Variants in COL26A1 observed in about 807,000 individuals in gnomAD.
COL26A1 encodes the protein collagen alpha-1(XXVI) chain.
COL26A1 carries 41 observed loss-of-function variants against 59.3 expected under a neutral mutation model. The ratio of observed to expected loss-of-function variants is 0.69; its 90% CI spans 0.54 to 0.90. The LOEUF is 0.90. Among genes scored for constraint, COL26A1 ranks in the 40% least tolerant of loss-of-function variants. The pLI, the probability that COL26A1 is intolerant of heterozygous loss-of-function variation, is 0.00. For synonymous variants in COL26A1, 266 were observed against 256.0 expected (o/e 1.04, Z -0.37); for missense variants, 612 against 602.3 (o/e 1.02, Z -0.17).
chr7:101,533,121 G>A lies in COL26A1; in HGVS notation c.425G>A (p.Arg142Gln), dbSNP rs369433656. 9 of 1,607,186 alleles carry A rather than the reference G, an allele frequency of 5.6e-6. No homozygotes were observed. The highest frequency in any genetic ancestry group is 2.7e-5 in the African/African-American group (2 of 74,968). The change falls in exon 4 of 13, where the codon CGA becomes CAA. Residue 142 changes from arginine to glutamine, a missense_variant. Arg to Gln is a conservative substitution (Grantham distance 43, BLOSUM62 1). Coordinates refer to ENST00000313669, the MANE Select transcript of COL26A1 (RefSeq NM_001278563.3). ...NCTRLSDMSE[R>Q]LTTLEAKVLL... is the part of the protein sequence containing the mutation. ...ACCCGGCTCAGTGACATGAGTGAGCGACTGACCACACTGGAGGCCAAGGTC... is the reference window on the plus strand; with the variant it reads ...ACCCGGCTCAGTGACATGAGTGAGCAACTGACCACACTGGAGGCCAAGGTC...
intron 1 of COL26A1, among the ~76,000 whole-genome samples, chr7:101,387,736 T>TTATATATATATATTTATATATA (rs1791615136): frequency 9.4e-6 from 1 of 106,938 alleles, no homozygotes; most frequent in African/African-American, 3.8e-5. Context: ...TTTAATATAA[T>TTATATATATATATTTATATATA]TATATATATA....
Position 101,434,546 on chromosome 7 carries a change from G to A in COL26A1, c.282-13138G>A, listed in dbSNP as rs1483197762. Reference sequence around the variant, plus strand: ...CAAAGTGCTGAGATTATAGGTGTGAGCCACTGCGCCTGGCCTGATTTTTTT... The same window carrying A: ...CAAAGTGCTGAGATTATAGGTGTGAACCACTGCGCCTGGCCTGATTTTTTT... On this transcript the variant is annotated intron_variant, in intron 2 of 12. Transcript: ENST00000313669. Among the ~76,000 whole-genome samples the A allele has an allele frequency of 5.4e-5, 8 of 147,568 alleles. No homozygotes were observed. The East Asian group carries it at 1.2e-3, about 22-fold the overall frequency.
intron 4 of COL26A1, among the ~76,000 whole-genome samples, chr7:101,538,290 A>C (rs1310589425): frequency 6.6e-6 from 1 of 152,018 alleles, no homozygotes. Flanking sequence ...TCCACCCTTC[A>C]CTGCCGTGTG....
chr7:101,417,437 G>A (rs1388146101), intron 1 of COL26A1, among the ~76,000 whole-genome samples: 1 of 148,308 alleles, frequency 6.7e-6, no homozygotes, highest in East Asian at 2.0e-4. Flanking sequence ...TTTGAGGTCA[G>A]CCAGCACCCA....
At chr7:101,450,737 T>G (rs1191693219) in intron 3 of COL26A1, among the ~76,000 whole-genome samples, 4 of 146,726 alleles carry the variant, frequency 2.7e-5, no homozygotes, top group Non-Finnish European at 6.0e-5. Context: ...ATTATTTATA[T>G]TCCATATTCT....
At chr7:101,492,854 C>T (rs1477704510) in intron 3 of COL26A1, among the ~76,000 whole-genome samples, 1 of 151,860 alleles carries the variant, frequency 6.6e-6, no homozygotes, top group Non-Finnish European at 1.5e-5. Context: ...GTCCTCCCAT[C>T]TCAGCCTCCA....
chr7:101,527,460 T>A (rs1795271794), intron 3 of COL26A1, among the ~76,000 whole-genome samples: 1 of 152,122 alleles, frequency 6.6e-6, no homozygotes, highest in Non-Finnish European at 1.5e-5. Flanking sequence ...CCCGAGTAGC[T>A]TGGATTACAG....
Position 101,410,009 on chromosome 7 carries a change from C to T in COL26A1, c.159-9968C>T, listed in dbSNP as rs145069362. Among the ~76,000 whole-genome samples the T allele has an allele frequency of 4.7e-3, 719 of 152,282 alleles. 4 individuals are homozygous for T. The highest frequency in any genetic ancestry group is 0.017 in the African/African-American group (691 of 41,546). Reference sequence around the variant, plus strand: ...TCTCCTGACCTCATGATCCACCCGCCTCAGCCTCCCAAAGTGCTGGGATTA... The same window carrying T: ...TCTCCTGACCTCATGATCCACCCGCTTCAGCCTCCCAAAGTGCTGGGATTA... On this transcript the variant is annotated intron_variant, in intron 1 of 12. Coordinates refer to ENST00000313669, the MANE Select transcript of COL26A1 (RefSeq NM_001278563.3).
intron 3 of COL26A1, among the ~76,000 whole-genome samples, chr7:101,476,762 T>C (rs1454343632): frequency 6.6e-6 from 1 of 151,178 alleles, no homozygotes; most frequent in Non-Finnish European, 1.5e-5. Flanking sequence ...TTAGCCAGGA[T>C]GGTCTCGATC....
chr7:101,374,564 T>C (rs1308632039), intron 1 of COL26A1, among the ~76,000 whole-genome samples: 3 of 152,140 alleles, frequency 2.0e-5, no homozygotes, highest in Non-Finnish European at 4.4e-5. Context: ...TCCAGCCCTG[T>C]TGTAAACTGC....
intron 2 of COL26A1, among the ~76,000 whole-genome samples, chr7:101,422,757 G>A (rs747283353): frequency 9.2e-5 from 14 of 151,928 alleles, no homozygotes; most frequent in Admixed American, 1.3e-4. Flanking sequence ...ATCCTCCTGC[G>A]CCAGCCTGAA....
In COL26A1 at chr7:101,483,990, A is replaced by AGTGTGTGTGTGTGTGT. The variant is rs55863250; in HGVS notation, c.385+36232_385+36247dup. On this transcript the variant is annotated intron_variant, in intron 3 of 12. Transcript: ENST00000313669. ...CACCTGGCCCCAGCTAACTTTTTAA[A>AGTGTGTGTGTGTGTGT]GTGTGTGTGTGTGTGTGTGTGTGTG... 5.2e-3 allele frequency among the ~76,000 whole-genome samples: 667 copies of AGTGTGTGTGTGTGTGT among 127,984 alleles called. 10 individuals carry two copies. Among genetic ancestry groups the AGTGTGTGTGTGTGTGT allele is most frequent in the African/African-American group, 7.9e-3 (265 of 33,514 alleles). The allele number at this position is 127,984 out of a possible 152,430, so 84.0% of individuals were successfully genotyped here.
chr7:101,488,900 C>T (rs576191999), intron 3 of COL26A1, among the ~76,000 whole-genome samples: 2 of 152,222 alleles, frequency 1.3e-5, no homozygotes, highest in East Asian at 3.9e-4. Context: ...TAAAGTTGTG[C>T]AGTAATCATG....
At chr7:101,517,381 A>G (rs1795048994) in intron 3 of COL26A1, among the ~76,000 whole-genome samples, 1 of 151,852 alleles carries the variant, frequency 6.6e-6, no homozygotes, top group Non-Finnish European at 1.5e-5. Flanking sequence ...TTACAGAAAA[A>G]AAGAGGTTTA....
At chr7:101,389,480 A>T (rs1170842482) in intron 1 of COL26A1, among the ~76,000 whole-genome samples, 1 of 151,330 alleles carries the variant, frequency 6.6e-6, no homozygotes, top group Non-Finnish European at 1.5e-5. Flanking sequence ...CTGGGGCTCA[A>T]GCGATTCTCC....
intron 3 of COL26A1, among the ~76,000 whole-genome samples, chr7:101,489,639 TTC>T: frequency 1.4e-5 from 1 of 70,202 alleles, no homozygotes; most frequent in African/African-American, 1.3e-4. Flanking sequence ...CTTTCTTTCT[TTC>T]TTTCTTTCTT....
intron 5 of COL26A1, among the ~76,000 whole-genome samples, chr7:101,541,359 T>C (rs1435430701): frequency 2.6e-5 from 4 of 152,168 alleles, no homozygotes; most frequent in Admixed American, 6.5e-5. Context: ...TATTATTTTA[T>C]TTTGAGACAA....
intron 2 of COL26A1, among the ~76,000 whole-genome samples, chr7:101,420,406 T>C (rs1181092657): frequency 6.6e-6 from 1 of 151,886 alleles, no homozygotes; most frequent in East Asian, 1.9e-4. Context: ...CCAGGTGGGG[T>C]TGAAGAGGGA....
chr7:101,455,209 A>T (rs1793440850), intron 3 of COL26A1, among the ~76,000 whole-genome samples: 1 of 151,472 alleles, frequency 6.6e-6, no homozygotes, highest in South Asian at 2.1e-4. Flanking sequence ...CACCTGGCTA[A>T]TTTTTGTGTA....
Sources: gnomAD v4.1 joint callset for allele counts (sites outside exome capture counted in the v4.1 genomes callset) on GRCh38, gnomAD v4.1.1 for gene constraint, MANE v1.5 for transcripts, NCBI Gene and HGNC (gene_info 2026-07-23, HGNC 2026-07-21) for gene names.